PLAGL1: variants seen among roughly 807,000 people sequenced by gnomAD.
PLAGL1 encodes the protein PLAG1 like zinc finger 1, also known as zinc finger protein PLAGL1.
A neutral mutation model predicts 4.6 loss-of-function variants in PLAGL1; 1 was observed. That is an observed-to-expected ratio of 0.22 (90% CI 0.08 to 1.03). The LOEUF is 1.03. PLAGL1 is among the 50% of genes least tolerant of loss of function. The probability of loss-of-function intolerance (pLI) is 0.58; values close to 1 mark genes in which losing one functional copy is unlikely to be tolerated. For synonymous variants in PLAGL1, 240 were observed against 237.8 expected, an observed-to-expected ratio of 1.01 and a Z score of -0.08; for missense variants, 464 against 570.4, an observed-to-expected ratio of 0.81 and a Z score of 1.90.
intron 1 of PLAGL1, among the ~76,000 whole-genome samples, chr6:144,023,635 T>G (rs1583752929): frequency 6.6e-6 from 1 of 152,086 alleles, no homozygotes; most frequent in South Asian, 2.1e-4. Flanking sequence ...AATGGCCAAG[T>G]AAGTAATTAG....
rs1791308914 is a variant in PLAGL1, at chr6:143,994,969, T to A, written c.-583-9795A>T. Among the ~76,000 whole-genome samples, 1 of 152,200 alleles carries A rather than the reference T, an allele frequency of 6.6e-6. No homozygotes were observed. Among genetic ancestry groups the A allele is most frequent in the Non-Finnish European group, 1.5e-5 (1 of 68,038 alleles). On this transcript the variant is annotated intron_variant, in intron 1 of 7. Transcript: ENST00000674357. The surrounding 1 kb of genome is among the most constrained non-coding windows in gnomAD (Gnocchi z 4.3). ...ATGCCTCTATCTTGTCATCATCTAA[T>A]GGGAACAATTAAGAGACAATAAGAT...
At chr6:144,026,475 T>A (rs1276570091) in intron 1 of PLAGL1, among the ~76,000 whole-genome samples, 1 of 152,150 alleles carries the variant, frequency 6.6e-6, no homozygotes, top group Non-Finnish European at 1.5e-5. Flanking sequence ...TTCCACCATA[T>A]CTCCAGAAAG....
rs776472991 is a variant in PLAGL1, at chr6:143,952,631, T to C, written c.-324-4171A>G. ...ACTGTGTTCCCAGGGGACAGGGGTA[T>C]ACGAGGGTGGAGGGGGGAGTCAGAA... On this transcript the variant is annotated intron_variant, in intron 6 of 7. Transcript: ENST00000674357. This position sits in a 1 kb window ranked among gnomAD's most constrained non-coding sequence, Gnocchi z 6.1. Among the ~76,000 whole-genome samples the C allele has an allele frequency of 6.6e-6, 1 of 152,126 alleles. No homozygotes were observed. The highest frequency in any genetic ancestry group is 1.9e-4 in the East Asian group (1 of 5,188).
rs1185690851 is a variant in PLAGL1, at chr6:144,016,301, G to C, written c.-150-47323C>G. 6.6e-6 allele frequency among the ~76,000 whole-genome samples: 1 copy of C among 152,152 alleles called. No individual in the cohort carries two copies. The highest frequency in any genetic ancestry group is 1.9e-4 in the East Asian group (1 of 5,194). ...CAGCATGGGAGAAAGATGTAGGCTG[G>C]GAGGCTAGGCCAGTCTCTCCTTTTC... On this transcript the variant is annotated intron_variant, in intron 1 of 3. Transcript: ENST00000437412. This position sits in a 1 kb window ranked among gnomAD's most constrained non-coding sequence, Gnocchi z 4.2.
rs1397799748 is a variant in PLAGL1, at chr6:144,004,875, G to A, written c.-584+3215C>T. 3.3e-5 allele frequency: 5 copies of A among 151,380 alleles called. No individual in the cohort carries two copies. In the East Asian group the frequency reaches 9.6e-4, roughly 29 times the overall value. 9.4% of individuals were successfully genotyped at this position (151,380 alleles called of 1,614,324 possible). ...GGACAAAAATGTGTGAAAATAAAGA[G>A]ATAAAAGACAAAACTTTCCTGAATT... On this transcript the variant is annotated intron_variant, in intron 1 of 7. Transcript: ENST00000674357. The surrounding 1 kb of genome is among the most constrained non-coding windows in gnomAD (Gnocchi z 4.2).
intron 1 of PLAGL1, among the ~76,000 whole-genome samples, chr6:144,035,437 C>CG (rs1797150159): frequency 6.6e-6 from 1 of 152,260 alleles, no homozygotes; most frequent in East Asian, 1.9e-4. Context: ...AGATGAAGGC[C>CG]GGAAGACTCA....
Position 143,961,261 on chromosome 6 carries a change from A to C in PLAGL1, c.-398-719T>G, listed in dbSNP as rs1421268059. The stretch of plus-strand genomic sequence containing the variant: ...TGGAAACCAGCATTTCCGTTCACCA[A>C]GTAATTATCAAACTTGGCTTCTTCC... On this transcript the variant is annotated intron_variant, in intron 5 of 7. Transcript: ENST00000674357. This position sits in a 1 kb window ranked among gnomAD's most constrained non-coding sequence, Gnocchi z 6.5. 1.3e-5 allele frequency: 2 copies of C among 152,226 alleles called. No individual in the cohort carries two copies. The highest frequency in any genetic ancestry group is 4.8e-5 in the African/African-American group (2 of 41,444). 9.4% of individuals were successfully genotyped at this position (152,226 alleles called of 1,614,324 possible). A position where few individuals can be genotyped will look rare whatever the true frequency, so the allele number is the denominator to read the frequency against.
chr6:144,055,161 G>A lies in PLAGL1; in HGVS notation c.-151+9307C>T, dbSNP rs934850812. ...TGAAAAAGAAATGTCTAATGAGCACGGAGAGGCATATCCACAGATATTCAT... is the reference window on the plus strand; with the variant it reads ...TGAAAAAGAAATGTCTAATGAGCACAGAGAGGCATATCCACAGATATTCAT... On this transcript the variant is annotated intron_variant, in intron 1 of 3. Coordinates refer to the PLAGL1 transcript ENST00000437412. This position sits in a 1 kb window ranked among gnomAD's most constrained non-coding sequence, Gnocchi z 5.0. Among the ~76,000 whole-genome samples, 6 of 151,962 alleles carry A rather than the reference G, an allele frequency of 3.9e-5. No homozygotes were observed. The highest frequency in any genetic ancestry group is 9.7e-5 in the African/African-American group (4 of 41,362).
chr6:144,044,929 G>A (rs1798014756), intron 1 of PLAGL1, among the ~76,000 whole-genome samples: 1 of 149,510 alleles, frequency 6.7e-6, no homozygotes, highest in Non-Finnish European at 1.5e-5. Context: ...TTATGTAATG[G>A]CCTTCTTTGT....
In PLAGL1 at chr6:143,942,174, C is replaced by T. The variant is rs1346288642; in HGVS notation, c.642G>A (p.Glu214=). 1 of 1,614,176 alleles carries T rather than the reference C, an allele frequency of 6.2e-7. No individual in the cohort carries two copies. The highest frequency in any genetic ancestry group is 8.5e-7 in the Non-Finnish European group (1 of 1,180,016). ...KKTHSQELMK[E]SLQTGDLLST... is the part of the protein sequence containing the mutation. Reference sequence around the variant, plus strand: ...TCAGAAGGTCTCCGGTCTGCAAGCTCTCTTTCATCAGCTCCTGTGAGTGGG... The same window carrying T: ...TCAGAAGGTCTCCGGTCTGCAAGCTTTCTTTCATCAGCTCCTGTGAGTGGG... Residue 214 remains glutamate, a synonymous_variant, in exon 8 of 8, where the codon GAG becomes GAA. Transcript: ENST00000674357. The surrounding 1 kb of genome is among the most constrained non-coding windows in gnomAD (Gnocchi z 7.6).
intron 2 of PLAGL1, among the ~76,000 whole-genome samples, chr6:143,980,015 T>A (rs1164170097): frequency 6.6e-6 from 1 of 152,154 alleles, no homozygotes; most frequent in Non-Finnish European, 1.5e-5. Flanking sequence ...TTAACAGTTT[T>A]AGCTTTCACT....
At position 143,960,105 on chromosome 6, in the gene PLAGL1, G is replaced by A. The variant is rs1010063890; in HGVS notation, c.-325+364C>T. 6.6e-6 allele frequency among the ~76,000 whole-genome samples: 1 copy of A among 152,182 alleles called. No individual in the cohort carries two copies. The highest frequency in any genetic ancestry group is 2.4e-5 in the African/African-American group (1 of 41,434). On this transcript the variant is annotated intron_variant, in intron 6 of 7. Transcript: ENST00000674357. The surrounding 1 kb of genome is among the most constrained non-coding windows in gnomAD (Gnocchi z 5.7). ...CAGGACAACCTCTTACACATCTTAT[G>A]TACACAAGTTAGGAGTGTTGGCAGG...
rs1345901024 is a variant in PLAGL1 at position 143,995,904 on chromosome 6, A to G, written c.-583-10730T>C. On this transcript the variant is annotated intron_variant, in intron 1 of 7. Coordinates refer to ENST00000674357, the MANE Select transcript of PLAGL1 (RefSeq NM_001317162.2). The surrounding 1 kb of genome is among the most constrained non-coding windows in gnomAD (Gnocchi z 4.4). ...CTGGCTATATTAATGGTGGCCAGCC[A>G]TAAAGTTAAAGCAAAGAGAAGAACT... is the stretch of plus-strand genomic sequence containing the variant. Among the ~76,000 whole-genome samples, 1 of 152,246 alleles carries G rather than the reference A, an allele frequency of 6.6e-6. No individual in the cohort carries two copies. The highest frequency in any genetic ancestry group is 1.9e-4 in the East Asian group (1 of 5,206).
chr6:144,008,283 C>G (rs974436799), upstream of PLAGL1: 6 of 152,048 alleles, frequency 3.9e-5, no homozygotes, highest in Middle Eastern at 0.01. This position sits in a 1 kb window ranked among gnomAD's most constrained non-coding sequence, Gnocchi z 6.9. Context: ...CCAGCCGTGT[C>G]TAAATCAAGG....
At position 144,027,258 on chromosome 6, in the gene PLAGL1, A is replaced by C. The variant is rs143092417; in HGVS notation, c.-151+37210T>G. Among the ~76,000 whole-genome samples the C allele has an allele frequency of 4.7e-4, 68 of 144,954 alleles. No individual in the cohort carries two copies. The highest frequency in any genetic ancestry group is 3.5e-3 in the East Asian group (18 of 5,140). On this transcript the variant is annotated intron_variant, in intron 1 of 3. Transcript: ENST00000437412. The surrounding 1 kb of genome is among the most constrained non-coding windows in gnomAD (Gnocchi z 5.8). ...ACGAAAGAAAGAAAGAAAGAAAGAAAGAAAGAAAGAAAGAAAGAAAGAAAG... is the reference window on the plus strand; with the variant it reads ...ACGAAAGAAAGAAAGAAAGAAAGAACGAAAGAAAGAAAGAAAGAAAGAAAG...
Position 143,963,365 on chromosome 6 carries a change from G to A in PLAGL1, c.-399+1422C>T, listed in dbSNP as rs9390148. ...AGTGCCCCTTCAAGGTCACATGGTG[G>A]GGCTTCAAACGTTAACCCACAGACT... On this transcript the variant is annotated intron_variant, in intron 5 of 7. Transcript: ENST00000674357. This position sits in a 1 kb window ranked among gnomAD's most constrained non-coding sequence, Gnocchi z 6.1. Among the ~76,000 whole-genome samples the A allele has an allele frequency of 0.36, 54,354 of 151,968 alleles. 10,242 individuals carry two copies. The highest frequency in any genetic ancestry group is 0.44 in the Non-Finnish European group (29,988 of 67,950).
rs1381192560 is a variant in PLAGL1, at chr6:144,000,300, A to T, written c.-584+7790T>A. On this transcript the variant is annotated intron_variant, in intron 1 of 7. Coordinates refer to ENST00000674357, the MANE Select transcript of PLAGL1 (RefSeq NM_001317162.2). This position sits in a 1 kb window ranked among gnomAD's most constrained non-coding sequence, Gnocchi z 4.1. The stretch of plus-strand genomic sequence containing the variant: ...TTAGACATAAACAAAAGAATAAGAG[A>T]TTTGAAGATCAGAAGGAAAAGAAAA... Among the ~76,000 whole-genome samples, 1 of 152,028 alleles carries T rather than the reference A, an allele frequency of 6.6e-6. No homozygotes were observed. The highest frequency in any genetic ancestry group is 1.5e-5 in the Non-Finnish European group (1 of 67,978).
rs1431261746 is a variant in PLAGL1 at position 143,960,618 on chromosome 6, T to G, written c.-398-76A>C. On this transcript the variant is annotated intron_variant, in intron 5 of 7. Transcript: ENST00000674357. This position sits in a 1 kb window ranked among gnomAD's most constrained non-coding sequence, Gnocchi z 5.7. ...TCCTCCATTATGTTACCCCCTGAAC[T>G]TCACTTCTAGAGCACACACACGACT... is the stretch of plus-strand genomic sequence containing the variant. The G allele has an allele frequency of 6.6e-6, 1 of 152,214 alleles. No homozygotes were observed. Among genetic ancestry groups the G allele is most frequent in the Non-Finnish European group, 1.5e-5 (1 of 68,034 alleles). The allele number at this position is 152,214 out of a possible 1,614,324, so 9.4% of individuals were successfully genotyped here. A position where few individuals can be genotyped will look rare whatever the true frequency, so the allele number is the denominator to read the frequency against.
intron 1 of PLAGL1, among the ~76,000 whole-genome samples, chr6:144,058,763 C>T (rs1799174938): frequency 1.3e-5 from 2 of 152,218 alleles, no homozygotes; most frequent in South Asian, 4.1e-4. Context: ...TCTTTTTTGA[C>T]TCCATGTCCT....
Sources: gnomAD v4.1 joint callset for allele counts (sites outside exome capture counted in the v4.1 genomes callset) on GRCh38, gnomAD v4.1.1 for gene constraint, Gnocchi (gnomAD v3.1) non-coding constraint, MANE v1.5 for transcripts, NCBI Gene and HGNC (gene_info 2026-07-23, HGNC 2026-07-21) for gene names.